Variants in LRFN2 observed in about 807,000 individuals in gnomAD.
The protein encoded by LRFN2 is leucine-rich repeat and fibronectin type-III domain-containing protein 2.
A neutral mutation model predicts 37.3 loss-of-function variants in LRFN2; 18 were observed. That is an observed-to-expected ratio of 0.48 (90% CI 0.33 to 0.72). The LOEUF (loss-of-function observed/expected upper bound fraction) is 0.72, where lower values mean the gene tolerates loss of function less well. LRFN2 is among the 30% of genes least tolerant of loss of function. LRFN2 has a pLI of 0.02. For missense variants in LRFN2, 1,006 were observed against 1,060.7 expected (o/e 0.95, Z 0.72); for synonymous variants, 556 against 466.6 (o/e 1.19, Z -2.47).
At chr6:40,564,546 A>G (rs1300855428) in intron 1 of LRFN2, among the ~76,000 whole-genome samples, 1 of 152,092 alleles carries the variant, frequency 6.6e-6, no homozygotes, top group Non-Finnish European at 1.5e-5. Context: ...CCACCTAAGA[A>G]GGTCCAGCAC....
At chr6:40,403,159 C>T (rs1194485542) in intron 2 of LRFN2, among the ~76,000 whole-genome samples, 2 of 152,192 alleles carry the variant, frequency 1.3e-5, no homozygotes, top group African/African-American at 4.8e-5. Context: ...CTCAGTGGGA[C>T]AGAGTCCTCT....
intron 2 of LRFN2, among the ~76,000 whole-genome samples, chr6:40,417,117 C>A (rs1763111578): frequency 6.6e-6 from 1 of 152,150 alleles, no homozygotes; most frequent in Non-Finnish European, 1.5e-5. Context: ...ATCTTCAAAG[C>A]CTCCCTGTTC....
At chr6:40,416,948 G>A (rs1392019160) in intron 2 of LRFN2, among the ~76,000 whole-genome samples, 2 of 152,188 alleles carry the variant, frequency 1.3e-5, no homozygotes, top group African/African-American at 2.4e-5. Flanking sequence ...TCAGGGTGGG[G>A]AAGAATAGGG....
At chr6:40,546,051 A>C (rs1331486375) in intron 1 of LRFN2, among the ~76,000 whole-genome samples, 2 of 151,864 alleles carry the variant, frequency 1.3e-5, no homozygotes, top group Admixed American at 6.6e-5. Context: ...TCCATCCTGC[A>C]CTCTTGACAA....
intron 1 of LRFN2, among the ~76,000 whole-genome samples, chr6:40,580,343 T>C (rs1157554694): frequency 1.3e-5 from 2 of 152,110 alleles, no homozygotes; most frequent in Non-Finnish European, 2.9e-5. Context: ...GGCTGGAGTA[T>C]GCACATGTCC....
At chr6:40,550,297 C>T (rs1766747418) in intron 1 of LRFN2, among the ~76,000 whole-genome samples, 1 of 152,178 alleles carries the variant, frequency 6.6e-6, no homozygotes, top group Admixed American at 6.5e-5. Flanking sequence ...ACTGACTCAG[C>T]AGTATCTCTT....
intron 1 of LRFN2, among the ~76,000 whole-genome samples, chr6:40,550,000 C>T (rs1255938527): frequency 6.6e-6 from 1 of 152,064 alleles, no homozygotes; most frequent in East Asian, 1.9e-4. Context: ...TGCCATTGCA[C>T]TCCAGCCTGG....
chr6:40,509,303 T>A (rs1765628981), intron 1 of LRFN2, among the ~76,000 whole-genome samples: 1 of 152,272 alleles, frequency 6.6e-6, no homozygotes. Flanking sequence ...GGACAGAGCA[T>A]GGGCTCTGTG....
Position 40,563,712 on chromosome 6 carries a change from T to C in LRFN2, c.-19+23229A>G, listed in dbSNP as rs199650960. 4.8e-3 allele frequency among the ~76,000 whole-genome samples: 725 copies of C among 152,188 alleles called. 18 individuals carry two copies. The South Asian group carries it at 0.063, about 13-fold the overall frequency. ...TTCCTGGGCTGCCAAGAAACAAGAA[T>C]AGAAATCAAGGTAGAAACAATAAGA... On this transcript the variant is annotated intron_variant, in intron 1 of 2. Transcript: ENST00000338305.
intron 1 of LRFN2, among the ~76,000 whole-genome samples, chr6:40,585,298 A>C (rs1049459153): frequency 6.6e-6 from 1 of 152,186 alleles, no homozygotes; most frequent in Non-Finnish European, 1.5e-5. Flanking sequence ...GAGCAGAAGC[A>C]TGTGAGGAGG....
At chr6:40,573,918 G>A (rs982169487) in intron 1 of LRFN2, among the ~76,000 whole-genome samples, 3 of 152,180 alleles carry the variant, frequency 2.0e-5, no homozygotes, top group Non-Finnish European at 4.4e-5. Context: ...CTGAAATCAC[G>A]CCATTGCACT....
intron 1 of LRFN2, among the ~76,000 whole-genome samples, chr6:40,445,009 AC>A (rs537743706): frequency 7.0e-6 from 1 of 142,236 alleles, no homozygotes; most frequent in African/African-American, 2.6e-5. Context: ...CCTCCACCTC[AC>A]CCCCCCAGGG....
In LRFN2 at chr6:40,569,878, G is replaced by A. The variant is rs559210641; in HGVS notation, c.-19+17063C>T. On this transcript the variant is annotated intron_variant, in intron 1 of 2. Transcript: ENST00000338305. ...GCTCCTCTGCATAGCATGCAGGGCC[G>A]TCTCAGGTCCGGCCCTGACTTCCTG... 1.1e-4 allele frequency among the ~76,000 whole-genome samples: 16 copies of A among 152,008 alleles called. No individual in the cohort carries two copies. The South Asian group carries it at 2.3e-3, about 22-fold the overall frequency.
intron 1 of LRFN2, among the ~76,000 whole-genome samples, chr6:40,516,905 G>A (rs903497138): frequency 1.3e-5 from 2 of 152,136 alleles, no homozygotes; most frequent in Admixed American, 6.6e-5. Context: ...ATCCTCATCT[G>A]GGCAGAGCTC....
In LRFN2 at chr6:40,392,476, C is replaced by A. The variant is rs767743022; in HGVS notation, c.1837G>T (p.Ala613Ser). The A allele has an allele frequency of 1.3e-6, 2 of 1,570,868 alleles. No homozygotes were observed. Among genetic ancestry groups the A allele is most frequent in the African/African-American group, 1.4e-5 (1 of 73,856 alleles). Residue 613 changes from alanine (A) to serine (S), a missense_variant, in exon 3 of 3, where the codon GCC becomes TCC. Physicochemically the swap from Ala to Ser is moderately conservative, Grantham distance 99. Transcript: ENST00000338305. The surrounding 1 kb of genome is among the most constrained non-coding windows in gnomAD (Gnocchi z 4.7). ...GAGTCACTGGCGCGGGCCAGGCTGG[C>A]GGTGAAGTCCAGGAGCTCGTTGCGC... ...VVRNELLDFT[A>S]SLARASDSSS... is the part of the protein sequence containing the mutation.
At chr6:40,409,859 G>T (rs1233311610) in intron 2 of LRFN2, among the ~76,000 whole-genome samples, 1 of 152,170 alleles carries the variant, frequency 6.6e-6, no homozygotes, top group Admixed American at 6.5e-5. Context: ...GACTAGCTGG[G>T]CATCCGGCTG....
chr6:40,517,175 A>G (rs1290884531), intron 1 of LRFN2: 1 of 152,002 alleles, frequency 6.6e-6, no homozygotes, highest in Non-Finnish European at 1.5e-5. Flanking sequence ...CCCTACCCTC[A>G]CCAAAGATTA....
intron 2 of LRFN2, among the ~76,000 whole-genome samples, chr6:40,411,827 G>A (rs1762974644): frequency 6.6e-6 from 1 of 151,988 alleles, no homozygotes; most frequent in African/African-American, 2.4e-5. Flanking sequence ...TCTTTTTTGT[G>A]TGGCACTCAC....
intron 2 of LRFN2, among the ~76,000 whole-genome samples, chr6:40,411,269 G>A (rs1054984528): frequency 4.6e-5 from 7 of 152,198 alleles, no homozygotes; most frequent in Admixed American, 4.6e-4. Flanking sequence ...CTGCTCTGCT[G>A]GGGTACATGC....
Sources: gnomAD v4.1 joint callset for allele counts (sites outside exome capture counted in the v4.1 genomes callset) on GRCh38, gnomAD v4.1.1 for gene constraint, Gnocchi (gnomAD v3.1) non-coding constraint, MANE v1.5 for transcripts, NCBI Gene and HGNC (gene_info 2026-07-23, HGNC 2026-07-21) for gene names.